FOXP1: variants seen among roughly 807,000 people sequenced by gnomAD.
FOXP1 encodes the protein forkhead box P1, also known as forkhead box protein P1.
Under a neutral mutation model 98.2 loss-of-function variants are expected in FOXP1, and 15 were observed. That is an observed-to-expected ratio of 0.15 (90% CI 0.10 to 0.24). The LOEUF (loss-of-function observed/expected upper bound fraction) is 0.24, where lower values mean the gene tolerates loss of function less well. Ranked by LOEUF, FOXP1 falls within the 10% of genes least tolerant of loss-of-function variation. FOXP1 has a pLI of 1.00. For missense variants in FOXP1, 633 were observed against 848.5 expected (o/e 0.75, Z 3.15); for synonymous variants, 371 against 314.5 (o/e 1.18, Z -1.90).
Position 71,581,606 on chromosome 3 carries a change from G to GGCA in FOXP1, c.-358_-356dup, listed in dbSNP as rs2048175654. On this transcript the variant is annotated 5_prime_UTR_variant, in exon 2 of 21. Transcript: ENST00000649528. ...CCTTCACGCCCGCGGAGGAGGCGCC[G>GGCA]GCAGCACCATGGTCCCCGGCGCCGC... The GGCA allele has an allele frequency of 1.0e-6, 1 of 985,522 alleles. No homozygotes were observed. 61.0% of individuals were successfully genotyped at this position (985,522 alleles called of 1,614,324 possible). A position where few individuals can be genotyped will look rare whatever the true frequency, so the allele number is the denominator to read the frequency against.
intron 5 of FOXP1, among the ~76,000 whole-genome samples, chr3:71,257,978 G>T (rs2068777714): frequency 1.3e-5 from 2 of 152,200 alleles, no homozygotes; most frequent in Non-Finnish European, 2.9e-5. Flanking sequence ...ATACCTCGCA[G>T]TCCTGATGCA....
At chr3:71,475,828 C>A (rs140336453) in intron 3 of FOXP1, among the ~76,000 whole-genome samples, 1 of 147,742 alleles carries the variant, frequency 6.8e-6, no homozygotes, top group South Asian at 2.1e-4. Context: ...GGAGAAAGAA[C>A]AAGACTCCAC....
At chr3:71,125,203 T>C (rs1408675430) in intron 6 of FOXP1, among the ~76,000 whole-genome samples, 1 of 152,098 alleles carries the variant, frequency 6.6e-6, no homozygotes, top group Non-Finnish European at 1.5e-5. Context: ...ATGAAGAAAA[T>C]GGTAACTAAC....
chr3:71,089,103 C>G (rs945762975), intron 7 of FOXP1, among the ~76,000 whole-genome samples: 1 of 152,092 alleles, frequency 6.6e-6, no homozygotes, highest in Non-Finnish European at 1.5e-5. Flanking sequence ...ACCCAACCTC[C>G]GAAACAAGCC....
At chr3:71,071,993 T>G (rs984556475) in intron 7 of FOXP1, among the ~76,000 whole-genome samples, 1 of 152,216 alleles carries the variant, frequency 6.6e-6, no homozygotes, top group South Asian at 2.1e-4. Flanking sequence ...AATCTCTAGG[T>G]ATTTCCTGCT....
chr3:71,457,997 T>C (rs1553889793), intron 3 of FOXP1, among the ~76,000 whole-genome samples: 2 of 152,180 alleles, frequency 1.3e-5, no homozygotes, highest in Non-Finnish European at 2.9e-5. Flanking sequence ...TCAGGAAAAT[T>C]AGAGTTCAGC....
At chr3:71,496,964 G>GTGTGTGTGTGTGTGTA (rs2091462813) in intron 2 of FOXP1, among the ~76,000 whole-genome samples, 1 of 150,462 alleles carries the variant, frequency 6.6e-6, no homozygotes, top group Non-Finnish European at 1.5e-5. Context: ...GTGTGGAAGT[G>GTGTGTGTGTGTGTGTA]TGTGTGTGTG....
intron 14 of FOXP1, among the ~76,000 whole-genome samples, chr3:70,984,031 A>T (rs79866122): frequency 0.01 from 1,547 of 152,242 alleles, 19 homozygotes; most frequent in South Asian, 0.029. Flanking sequence ...GCAGTTTACT[A>T]TTGTTTGTTT....
At chr3:71,156,507 A>AG (rs58303850) in intron 6 of FOXP1, among the ~76,000 whole-genome samples, 2 of 151,786 alleles carry the variant, frequency 1.3e-5, no homozygotes, top group Non-Finnish European at 2.9e-5. Context: ...TGAGCCTGGG[A>AG]GGGGGGGAAA....
chr3:71,581,645 G>GGCCCGCTC lies in FOXP1; in HGVS notation c.-402_-395dup. On this transcript the variant is annotated 5_prime_UTR_variant, in exon 2 of 21. Transcript: ENST00000649528. ...CCCCGGCGCCGCTGCCGCTGCCCCCGGCCCGCTCGCTCGCTCGCCGCGCGC... is the reference window on the plus strand; with the variant it reads ...CCCCGGCGCCGCTGCCGCTGCCCCCGGCCCGCTCGCCCGCTCGCTCGCTCGCCGCGCGC... 1 of 985,868 alleles carries GGCCCGCTC rather than the reference G, an allele frequency of 1.0e-6. No individual in the cohort carries two copies. Among genetic ancestry groups the GGCCCGCTC allele is most frequent in the Non-Finnish European group, 1.2e-6 (1 of 830,082 alleles). The allele number at this position is 985,868 out of a possible 1,614,324, so 61.1% of individuals were successfully genotyped here. A position where few individuals can be genotyped will look rare whatever the true frequency, so the allele number is the denominator to read the frequency against.
chr3:71,368,041 T>C, intron 3 of FOXP1, among the ~76,000 whole-genome samples: 1 of 152,252 alleles, frequency 6.6e-6, no homozygotes, highest in Admixed American at 6.5e-5. Flanking sequence ...ATGCTACAGC[T>C]GGACCCTCGA....
intron 5 of FOXP1, among the ~76,000 whole-genome samples, chr3:71,223,599 G>T (rs1277786189): frequency 1.3e-5 from 2 of 151,450 alleles, no homozygotes; most frequent in Admixed American, 1.3e-4. Context: ...GGAGACTGAG[G>T]CAGGAGAATG....
intron 13 of FOXP1, among the ~76,000 whole-genome samples, chr3:70,992,924 C>T (rs1189685754): frequency 6.6e-6 from 1 of 152,114 alleles, no homozygotes; most frequent in Admixed American, 6.5e-5. Context: ...TCTCTTTCCC[C>T]GACGTGCTCA....
At chr3:71,025,917 T>G (rs1469110700) in intron 11 of FOXP1, among the ~76,000 whole-genome samples, 1 of 152,212 alleles carries the variant, frequency 6.6e-6, no homozygotes, top group Admixed American at 6.5e-5. Flanking sequence ...AGAGTCACAA[T>G]CAACTTTTTA....
chr3:70,966,145 TTTGAG>T, intron 19 of FOXP1, 89 bp from the exon 20 acceptor site: 7 of 1,163,592 alleles, frequency 6.0e-6, no homozygotes, highest in Admixed American at 1.8e-5. Context: ...TAATCTTCAG[TTTGAG>T]TTAATTGTAG....
chr3:71,009,155 C>T (rs374934807), intron 12 of FOXP1, among the ~76,000 whole-genome samples: 1 of 20,764 alleles, frequency 4.8e-5, no homozygotes, highest in East Asian at 2.0e-3. Context: ...ATCATGGGGG[C>T]GGGGGGGGGG....
At chr3:71,574,719 T>C (rs1578242899) in intron 2 of FOXP1, among the ~76,000 whole-genome samples, 1 of 152,142 alleles carries the variant, frequency 6.6e-6, no homozygotes, top group East Asian at 1.9e-4. Context: ...TGACACTAAT[T>C]GGTAGCTACA....
chr3:70,974,742 TGAAAA>T (rs1176417969), intron 17 of FOXP1, among the ~76,000 whole-genome samples: 1 of 152,192 alleles, frequency 6.6e-6, no homozygotes, highest in African/African-American at 2.4e-5. Flanking sequence ...AGATATAACT[TGAAAA>T]GAAGTCAACA....
chr3:70,959,117 T>C lies in FOXP1; in HGVS notation c.*130A>G, dbSNP rs994191025. The C allele has an allele frequency of 3.3e-5, 34 of 1,039,786 alleles. 1 individual carries two copies. The highest frequency in any genetic ancestry group is 2.2e-4 in the African/African-American group (14 of 62,738). The allele number at this position is 1,039,786 out of a possible 1,614,324, so 64.4% of individuals were successfully genotyped here. ...CACTAAGAGTTAACACATTTCAGAGTTGTCAAAACGTAGTGAAAATCCTCC... is the reference window on the plus strand; with the variant it reads ...CACTAAGAGTTAACACATTTCAGAGCTGTCAAAACGTAGTGAAAATCCTCC... On this transcript the variant is annotated 3_prime_UTR_variant, in exon 21 of 21. Transcript: ENST00000649528.
Sources: gnomAD v4.1 joint callset for allele counts (sites outside exome capture counted in the v4.1 genomes callset) on GRCh38, gnomAD v4.1.1 for gene constraint, MANE v1.5 for transcripts, NCBI Gene and HGNC (gene_info 2026-07-23, HGNC 2026-07-21) for gene names.